Variants in MYO16 observed in about 807,000 individuals in gnomAD.
The protein encoded by MYO16 is unconventional myosin-XVI.
Under a neutral mutation model 205.3 loss-of-function variants are expected in MYO16, and 94 were observed. The ratio of observed to expected loss-of-function variants is 0.46; its 90% CI spans 0.39 to 0.54. The LOEUF (loss-of-function observed/expected upper bound fraction) is 0.54, where lower values mean the gene tolerates loss of function less well. Ranked by LOEUF, MYO16 falls within the 20% of genes least tolerant of loss-of-function variation. MYO16 has a pLI of 0.00. For synonymous variants in MYO16, 988 were observed against 954.0 expected (o/e 1.04, Z -0.66); for missense variants, 2,315 against 2,387.5 (o/e 0.97, Z 0.63).
chr13:109,000,073 G>T (rs1179656772), intron 21 of MYO16, among the ~76,000 whole-genome samples: 2 of 152,144 alleles, frequency 1.3e-5, no homozygotes, highest in East Asian at 3.8e-4. Flanking sequence ...ATGTTACAAA[G>T]CTTAGTAAGG....
the MYO16 span, among the ~76,000 whole-genome samples, chr13:108,588,119 A>C: frequency 6.6e-6 from 1 of 152,198 alleles, no homozygotes; most frequent in Admixed American, 6.5e-5. Flanking sequence ...TTTTATTATT[A>C]TAAACACATA....
At chr13:108,574,669 T>TTGTGTGTG in the MYO16 span, among the ~76,000 whole-genome samples, 6,206 of 136,424 alleles carry the variant, frequency 0.045, 166 homozygotes, top group East Asian at 0.07. Context: ...CAATAACAAT[T>TTGTGTGTG]TGTGTGTGTG....
At chr13:109,186,988 A>G (rs1295008592) in intron 34 of MYO16, among the ~76,000 whole-genome samples, 1 of 152,202 alleles carries the variant, frequency 6.6e-6, no homozygotes, top group Non-Finnish European at 1.5e-5. Flanking sequence ...ATGTACTTCT[A>G]AAAGGGAGTA....
At chr13:109,022,877 ATATT>A (rs201308719) in intron 23 of MYO16, among the ~76,000 whole-genome samples, 2,910 of 136,456 alleles carry the variant, frequency 0.021, 45 homozygotes, top group Middle Eastern at 0.034. Context: ...AAACATGTAT[ATATT>A]TATTATATAT....
chr13:109,048,446 T>C (rs1276125757), intron 24 of MYO16: 7 of 612,346 alleles, frequency 1.1e-5, no homozygotes, highest in African/African-American at 3.7e-5. Context: ...ATAAATATTT[T>C]AGACCTTGTG....
chr13:108,823,023 A>C, intron 8 of MYO16, 102 bp from the exon 9 acceptor site: 1 of 1,154,914 alleles, frequency 8.7e-7, no homozygotes, highest in Admixed American at 2.3e-5. Flanking sequence ...TACATTGATA[A>C]ATTTTTAGCA....
At chr13:108,547,848 T>A in the MYO16 span, among the ~76,000 whole-genome samples, 2 of 152,200 alleles carry the variant, frequency 1.3e-5, no homozygotes. Flanking sequence ...GCAGTCCCTA[T>A]TCTCTTATTC....
intron 28 of MYO16, among the ~76,000 whole-genome samples, chr13:109,114,821 A>AT (rs1352523525): frequency 1.3e-5 from 2 of 152,140 alleles, no homozygotes; most frequent in Admixed American, 6.5e-5. Context: ...TACTGATTGT[A>AT]TTTTTTAGTA....
intron 27 of MYO16, among the ~76,000 whole-genome samples, chr13:109,074,493 G>C (rs544125516): frequency 3.9e-5 from 6 of 152,306 alleles, no homozygotes; most frequent in African/African-American, 1.2e-4. Context: ...AGGAGACAGA[G>C]AGCAAGGGGG....
chr13:109,067,354 T>G (rs1169327713), intron 27 of MYO16, among the ~76,000 whole-genome samples: 1 of 152,234 alleles, frequency 6.6e-6, no homozygotes. Flanking sequence ...TTAATCCTCA[T>G]AGCACTCGTG....
chr13:108,969,550 C>T (rs933887952), intron 20 of MYO16, among the ~76,000 whole-genome samples: 13 of 152,238 alleles, frequency 8.5e-5, no homozygotes, highest in African/African-American at 2.9e-4. Flanking sequence ...TCTCTTCCCA[C>T]AGATAACAGC....
chr13:109,047,770 T>C (rs1198383530), intron 24 of MYO16, among the ~76,000 whole-genome samples: 1 of 152,128 alleles, frequency 6.6e-6, no homozygotes, highest in Non-Finnish European at 1.5e-5. Context: ...ACAGGATAGC[T>C]TTTTCGTGAA....
intron 21 of MYO16, among the ~76,000 whole-genome samples, chr13:108,994,032 G>A (rs1477812792): frequency 6.6e-6 from 1 of 152,092 alleles, no homozygotes; most frequent in African/African-American, 2.4e-5. Context: ...TCAATAGAGT[G>A]TCCTAATGAT....
the MYO16 span, among the ~76,000 whole-genome samples, chr13:108,528,501 C>G: frequency 6.8e-6 from 1 of 147,182 alleles, no homozygotes; most frequent in African/African-American, 2.5e-5. Context: ...AATATTAGTT[C>G]CCCAAATTGT....
intron 33 of MYO16, 137 bp from the exon 34 acceptor site, chr13:109,179,405 T>C: frequency 3.2e-6 from 2 of 623,428 alleles, no homozygotes; most frequent in Admixed American, 2.5e-5. Context: ...CAAAATTTAG[T>C]ATTTAGTTTG....
At chr13:108,747,775 GT>G (rs1885112448) in intron 4 of MYO16, among the ~76,000 whole-genome samples, 2 of 151,978 alleles carry the variant, frequency 1.3e-5, no homozygotes, top group South Asian at 4.1e-4. Flanking sequence ...ACTCTAGGTC[GT>G]CTACTTGAAA....
At position 108,889,052 on chromosome 13, in the gene MYO16, A is replaced by C. The variant is rs1880039301; in HGVS notation, c.1659+575A>C. On this transcript the variant is annotated intron_variant, in intron 14 of 34. Coordinates refer to ENST00000457511, the MANE Select transcript of MYO16 (RefSeq NM_001198950.3). ...CTGGACAAGAGCAAAACTCTGTCTC[A>C]AAAAAAAAAAGAAAAGAAAAAGAAA... 1.4e-5 allele frequency among the ~76,000 whole-genome samples: 2 copies of C among 146,352 alleles called. 1 individual carries two copies. Among genetic ancestry groups the C allele is most frequent in the Admixed American group, 1.4e-4 (2 of 14,610 alleles).
At chr13:108,971,852 G>A (rs1884025110) in intron 20 of MYO16, among the ~76,000 whole-genome samples, 1 of 151,940 alleles carries the variant, frequency 6.6e-6, no homozygotes, top group Admixed American at 6.6e-5. Flanking sequence ...ATGAGGTGGT[G>A]CATATTAAGT....
At chr13:109,056,629 A>G (rs1336403418) in intron 27 of MYO16, among the ~76,000 whole-genome samples, 8 of 152,176 alleles carry the variant, frequency 5.3e-5, no homozygotes, top group South Asian at 2.1e-4. Flanking sequence ...GTAATATTAC[A>G]AAGGGTTGGA....
Sources: allele counts gnomAD v4.1 joint callset (sites outside exome capture counted in the v4.1 genomes callset), GRCh38; gene constraint gnomAD v4.1.1; transcripts MANE v1.5; gene names NCBI Gene and HGNC (gene_info 2026-07-23, HGNC 2026-07-21).